ASXL3: variants seen among roughly 807,000 people sequenced by gnomAD.
The protein encoded by ASXL3 is ASXL transcriptional regulator 3.
A neutral mutation model predicts 170.6 loss-of-function variants in ASXL3; 34 were observed. The ratio of observed to expected loss-of-function variants is 0.20; its 90% CI spans 0.15 to 0.27. ASXL3 has a LOEUF of 0.27. Ranked by LOEUF, ASXL3 falls within the 10% of genes least tolerant of loss-of-function variation. The pLI is 1.00. For missense variants in ASXL3, 2,592 were observed against 2,695.3 expected, an observed-to-expected ratio of 0.96 and a Z score of 0.85; for synonymous variants, 1,002 against 989.1, an observed-to-expected ratio of 1.01 and a Z score of -0.24.
chr18:33,676,960 A>G (rs756214374), intron 7 of ASXL3, among the ~76,000 whole-genome samples: 13 of 152,142 alleles, frequency 8.5e-5, no homozygotes, highest in Non-Finnish European at 1.3e-4. Context: ...ATATCTTACA[A>G]TTTTCTCTAA....
rs189069452 is a variant in ASXL3, at chr18:33,664,219, C to A, written c.477+2482C>A. Among the ~76,000 whole-genome samples the A allele has an allele frequency of 2.0e-3, 306 of 152,246 alleles. 2 individuals carry two copies. The highest frequency in any genetic ancestry group is 7.1e-3 in the African/African-American group (295 of 41,566). ...CCAAGTCAGGTAACTTGCCCAAGATCACCCAGCAAGTAAATCTTAGAGATG... is the reference window on the plus strand; with the variant it reads ...CCAAGTCAGGTAACTTGCCCAAGATAACCCAGCAAGTAAATCTTAGAGATG... On this transcript the variant is annotated intron_variant, in intron 5 of 11. Transcript: ENST00000269197.
At chr18:33,737,278 G>A (rs572822778) in intron 10 of ASXL3, among the ~76,000 whole-genome samples, 12 of 152,168 alleles carry the variant, frequency 7.9e-5, no homozygotes, top group African/African-American at 2.6e-4. Flanking sequence ...TTCACATTGA[G>A]GATTTTTAAA....
In ASXL3 at chr18:33,738,767, G is replaced by T; in HGVS notation, c.1363G>T (p.Ala455Ser). The T allele has an allele frequency of 6.2e-7, 1 of 1,613,876 alleles. No homozygotes were observed. ...AGAATCTGTAATTCAGGAGGAAATTGCAGAAGAGGTAGAGACTAGTATCTG... is the reference window on the plus strand; with the variant it reads ...AGAATCTGTAATTCAGGAGGAAATTTCAGAAGAGGTAGAGACTAGTATCTG... ...PEESVIQEEI[A>S]EEVETSICEC... Residue 455 changes from alanine (A) to serine (S), a missense_variant, in exon 11 of 12, where the codon GCA becomes TCA. Around this residue, in one of 4 missense-constraint regions of ASXL3, gnomAD observed 2,246 missense variants for 2,219.6 expected, o/e 1.01. Transcript: ENST00000269197.
intron 1 of ASXL3, 52 bp downstream of exon 1, chr18:33,578,737 C>T (rs2064967658): frequency 2.7e-6 from 3 of 1,092,150 alleles, no homozygotes; most frequent in Non-Finnish European, 3.4e-6. Flanking sequence ...CCCCGCCGCT[C>T]GCCCCGCGCC....
chr18:33,710,770 A>G (rs1259166585), intron 8 of ASXL3, among the ~76,000 whole-genome samples: 2 of 152,152 alleles, frequency 1.3e-5, no homozygotes, highest in African/African-American at 4.8e-5. Context: ...ACAGAAGTGT[A>G]CATCAAGCTA....
chr18:33,598,238 G>A (rs1432806042), intron 1 of ASXL3, among the ~76,000 whole-genome samples: 1 of 152,028 alleles, frequency 6.6e-6, no homozygotes, highest in African/African-American at 2.4e-5. Context: ...ATCTAATCTT[G>A]ATTTAATCAT....
At chr18:33,722,579 T>C (rs540804632) in intron 8 of ASXL3, among the ~76,000 whole-genome samples, 1 of 152,252 alleles carries the variant, frequency 6.6e-6, no homozygotes, top group Non-Finnish European at 1.5e-5. Context: ...GAAGGGAACT[T>C]GGAAGCTAAC....
At chr18:33,688,612 A>G (rs1262304723) in intron 8 of ASXL3, among the ~76,000 whole-genome samples, 1 of 152,038 alleles carries the variant, frequency 6.6e-6, no homozygotes, top group Non-Finnish European at 1.5e-5. Flanking sequence ...CAGAAAATAG[A>G]TAGAAAATAA....
At chr18:33,603,435 C>T (rs113875411) in intron 1 of ASXL3, among the ~76,000 whole-genome samples, 115 of 151,948 alleles carry the variant, frequency 7.6e-4, no homozygotes, top group South Asian at 6.4e-3. Flanking sequence ...TTTTTCTCCC[C>T]ATACTAGGAC....
intron 2 of ASXL3, chr18:33,614,621 T>C (rs2065391113): frequency 6.6e-6 from 1 of 152,196 alleles, no homozygotes; most frequent in Admixed American, 6.5e-5. Context: ...GAGGAATTGC[T>C]ATCTATGGCT....
Position 33,646,404 on chromosome 18 carries a change from A to G in ASXL3, c.355+51A>G, listed in dbSNP as rs1467220831. ...AATCCCTTGTTCTCTTAAAAGTTAT[A>G]TAGAATGCCAATGATTCATTAATTG... On this transcript the variant is annotated intron_variant, in intron 4 of 11. Transcript: ENST00000269197. 6 of 1,301,742 alleles carry G rather than the reference A, an allele frequency of 4.6e-6. No homozygotes were observed. In the African/African-American group the frequency reaches 7.4e-5, roughly 16 times the overall value. The allele number at this position is 1,301,742 out of a possible 1,614,324, so 80.6% of individuals were successfully genotyped here.
At chr18:33,644,855 C>A (rs778167141) in intron 2 of ASXL3, 39 bp from the exon 3 acceptor site, 1 of 1,348,430 alleles carries the variant, frequency 7.4e-7, no homozygotes, top group Non-Finnish European at 1.0e-6. Flanking sequence ...AGAAGCTGTA[C>A]CTCAGACTGC....
Position 33,748,311 on chromosome 18 carries a change from G to GT in ASXL3, c.*1723dup, listed in dbSNP as rs923222042. The GT allele has an allele frequency of 6.6e-6, 1 of 152,012 alleles. No individual in the cohort carries two copies. The highest frequency in any genetic ancestry group is 2.4e-5 in the African/African-American group (1 of 41,378). 9.4% of individuals were successfully genotyped at this position (152,012 alleles called of 1,614,324 possible). ...TTTATAATAACCAACTATATAATAT[G>GT]TTTTTTTCTCCGTATTTATTGTGAT... On this transcript the variant is annotated 3_prime_UTR_variant, in exon 12 of 12. Coordinates refer to ENST00000269197, the MANE Select transcript of ASXL3 (RefSeq NM_030632.3).
At chr18:33,718,538 A>G (rs1324993376) in intron 8 of ASXL3, among the ~76,000 whole-genome samples, 1 of 152,050 alleles carries the variant, frequency 6.6e-6, no homozygotes, top group Non-Finnish European at 1.5e-5. Context: ...GGATCTTAAC[A>G]TGGTGAAATC....
chr18:33,633,027 C>T (rs1329604104), intron 2 of ASXL3, among the ~76,000 whole-genome samples: 7 of 152,214 alleles, frequency 4.6e-5, no homozygotes, highest in African/African-American at 1.7e-4. Context: ...CACGTTCCTG[C>T]ACACCACATT....
intron 1 of ASXL3, among the ~76,000 whole-genome samples, chr18:33,589,016 T>C (rs2065056479): frequency 6.6e-6 from 1 of 152,202 alleles, no homozygotes; most frequent in African/African-American, 2.4e-5. Flanking sequence ...TTTTAAATAC[T>C]ATAGTTATAC....
At chr18:33,620,522 C>T (rs545274657) in intron 2 of ASXL3, among the ~76,000 whole-genome samples, 13 of 152,202 alleles carry the variant, frequency 8.5e-5, no homozygotes, top group South Asian at 2.1e-4. Context: ...AAAGTTTTTA[C>T]GGCTTACTCT....
chr18:33,726,626 GTTTC>G (rs1355574554), intron 8 of ASXL3, among the ~76,000 whole-genome samples: 3 of 152,072 alleles, frequency 2.0e-5, no homozygotes, highest in Non-Finnish European at 2.9e-5. Context: ...TTAATTACAT[GTTTC>G]TTTTATTTTT....
At chr18:33,649,781 A>C (rs1012332079) in intron 4 of ASXL3, among the ~76,000 whole-genome samples, 1 of 152,182 alleles carries the variant, frequency 6.6e-6, no homozygotes, top group African/African-American at 2.4e-5. Context: ...CATTGGTGTG[A>C]AAAGGTTATT....
Sources: gnomAD v4.1 joint callset for allele counts (sites outside exome capture counted in the v4.1 genomes callset) on GRCh38, gnomAD v4.1.1 for gene constraint, gnomAD v4.1.1 regional missense constraint, MANE v1.5 for transcripts, NCBI Gene and HGNC (gene_info 2026-07-23, HGNC 2026-07-21) for gene names.